The following CFDP1 variants were observed in gnomAD, a reference collection of about 807,000 sequenced individuals.
CFDP1 encodes the protein heterochromatin-stabilizing protein CFDP1.
Under a neutral mutation model 40.1 loss-of-function variants are expected in CFDP1, and 31 were observed. The ratio of observed to expected loss-of-function variants is 0.77; its 90% CI spans 0.58 to 1.04. The LOEUF (loss-of-function observed/expected upper bound fraction) is 1.04, where lower values mean the gene tolerates loss of function less well. Among genes scored for constraint, CFDP1 ranks in the 50% least tolerant of loss-of-function variants. The pLI, the probability that CFDP1 is intolerant of heterozygous loss-of-function variation, is 0.00. For missense variants in CFDP1, 423 were observed against 343.4 expected (o/e 1.23, Z -1.83); for synonymous variants, 167 against 120.0 (o/e 1.39, Z -2.56).
At chr16:75,314,550 A>G (rs1446119084) in intron 5 of CFDP1, among the ~76,000 whole-genome samples, 1 of 152,108 alleles carries the variant, frequency 6.6e-6, no homozygotes, top group Non-Finnish European at 1.5e-5. Flanking sequence ...GGAGTAATGA[A>G]TATGTCCTAA....
intron 6 of CFDP1, among the ~76,000 whole-genome samples, chr16:75,296,553 G>A (rs1322998128): frequency 6.6e-6 from 1 of 152,184 alleles, no homozygotes; most frequent in African/African-American, 2.4e-5. Flanking sequence ...CTGTAAATAA[G>A]AAGTGACACT....
rs528166199 is a variant in CFDP1, at chr16:75,297,395, G to C, written c.810-3353C>G. On this transcript the variant is annotated intron_variant, in intron 6 of 6. Transcript: ENST00000283882. ...CCAGGGCAACCGGAACAGAGACCAA[G>C]AGACTAAATGTCCCTGAAAGAGGAA... Among the ~76,000 whole-genome samples, 82 of 152,266 alleles carry C rather than the reference G, an allele frequency of 5.4e-4. 1 individual carries two copies. The highest frequency in any genetic ancestry group is 3.4e-3 in the Middle Eastern group (1 of 294).
In CFDP1 at chr16:75,392,303, G is replaced by A. The variant is rs146171142; in HGVS notation, c.650+2787C>T. Among the ~76,000 whole-genome samples, 5 of 152,074 alleles carry A rather than the reference G, an allele frequency of 3.3e-5. No individual in the cohort carries two copies. In the East Asian group the frequency reaches 9.8e-4, roughly 30 times the overall value. ...GCCTGTAATCCCAGCTACTCTGGAGGCTGACGCAGGAGAATGGCTTGAACC... is the reference window on the plus strand; with the variant it reads ...GCCTGTAATCCCAGCTACTCTGGAGACTGACGCAGGAGAATGGCTTGAACC... On this transcript the variant is annotated intron_variant, in intron 5 of 6. Transcript: ENST00000283882.
intron 5 of CFDP1, among the ~76,000 whole-genome samples, chr16:75,310,914 C>A (rs530624096): frequency 8.5e-5 from 13 of 152,322 alleles, no homozygotes; most frequent in South Asian, 2.1e-4. Flanking sequence ...CAGAGTCATT[C>A]ATTCATTGCA....
At chr16:75,315,709 G>A (rs2078319928) in intron 5 of CFDP1, among the ~76,000 whole-genome samples, 1 of 151,970 alleles carries the variant, frequency 6.6e-6, no homozygotes, top group East Asian at 1.9e-4. Flanking sequence ...TTACTTTTTT[G>A]TGGCCGTGTG....
intron 5 of CFDP1, among the ~76,000 whole-genome samples, chr16:75,390,864 CT>C (rs2078943263): frequency 6.6e-6 from 1 of 152,168 alleles, no homozygotes; most frequent in African/African-American, 2.4e-5. Context: ...GTAATAGAGT[CT>C]CATTATTACC....
chr16:75,334,851 A>T (rs191797325), intron 5 of CFDP1, among the ~76,000 whole-genome samples: 1 of 152,278 alleles, frequency 6.6e-6, no homozygotes, highest in African/African-American at 2.4e-5. Flanking sequence ...GCTACTTGGG[A>T]GGCTGAGGCA....
rs118151612 is a variant in CFDP1 at position 75,295,647 on chromosome 16, C to T, written c.810-1605G>A. On this transcript the variant is annotated intron_variant, in intron 6 of 6. Transcript: ENST00000283882. ...AGGTACTAAGCTGCTGTGTCAAAAC[C>T]GTCAATGAGGCCAGAATGGCTGGAA... Among the ~76,000 whole-genome samples the T allele has an allele frequency of 6.6e-3, 1,011 of 152,278 alleles. 9 individuals are homozygous for T. Among genetic ancestry groups the T allele is most frequent in the Middle Eastern group, 0.017 (5 of 294 alleles).
chr16:75,355,426 T>C (rs534073545), intron 5 of CFDP1, among the ~76,000 whole-genome samples: 62 of 152,352 alleles, frequency 4.1e-4, no homozygotes, highest in African/African-American at 1.5e-3. Context: ...TCTAAATCCT[T>C]TGCTGTCATT....
chr16:75,327,354 G>A (rs561695579), intron 5 of CFDP1, among the ~76,000 whole-genome samples: 1 of 152,222 alleles, frequency 6.6e-6, no homozygotes, highest in Non-Finnish European at 1.5e-5. Flanking sequence ...GGAAGAAAAG[G>A]CAGTCCCAGA....
At chr16:75,330,257 G>C (rs1424460537) in intron 5 of CFDP1, among the ~76,000 whole-genome samples, 1 of 152,150 alleles carries the variant, frequency 6.6e-6, no homozygotes, top group African/African-American at 2.4e-5. Flanking sequence ...AGGTCAGCTG[G>C]ACCTAGTCAT....
intron 5 of CFDP1, among the ~76,000 whole-genome samples, chr16:75,360,209 A>C (rs1234084583): frequency 6.6e-6 from 1 of 152,112 alleles, no homozygotes; most frequent in Non-Finnish European, 1.5e-5. Flanking sequence ...TTTGGTTTCT[A>C]ATATTACTTT....
intron 5 of CFDP1, among the ~76,000 whole-genome samples, chr16:75,308,951 T>A (rs2078275933): frequency 6.6e-6 from 1 of 152,204 alleles, no homozygotes; most frequent in Admixed American, 6.5e-5. Context: ...TATTATGCTT[T>A]TGGGGAAGGC....
At chr16:75,400,756 G>A (rs868570806) in intron 4 of CFDP1, among the ~76,000 whole-genome samples, 28 of 152,328 alleles carry the variant, frequency 1.8e-4, no homozygotes, top group African/African-American at 6.5e-4. Flanking sequence ...TGAGTTACAA[G>A]ATGGAGTGCT....
intron 5 of CFDP1, among the ~76,000 whole-genome samples, chr16:75,360,644 T>C (rs780750395): frequency 1.3e-5 from 2 of 152,338 alleles, no homozygotes; most frequent in South Asian, 2.1e-4. Context: ...GTAGAAATTG[T>C]TGAAAATCAA....
chr16:75,303,400 A>AATGT (rs71380717), intron 6 of CFDP1, among the ~76,000 whole-genome samples: 309 of 146,228 alleles, frequency 2.1e-3, no homozygotes, highest in African/African-American at 6.0e-3. Flanking sequence ...TAAATAAATA[A>AATGT]ATGTATGTAT....
chr16:75,366,602 T>G (rs1313543267), intron 5 of CFDP1, among the ~76,000 whole-genome samples: 1 of 151,000 alleles, frequency 6.6e-6, no homozygotes, highest in African/African-American at 2.4e-5. Context: ...TAACCTGGAG[T>G]GGATAGAGTG....
At chr16:75,349,433 C>T (rs2078592489) in intron 5 of CFDP1, among the ~76,000 whole-genome samples, 1 of 150,632 alleles carries the variant, frequency 6.6e-6, no homozygotes, top group South Asian at 2.1e-4. Context: ...TCACTTGAAC[C>T]CGGGAGTGGA....
chr16:75,422,883 C>T (rs1359746314), intron 1 of CFDP1, among the ~76,000 whole-genome samples: 1 of 151,446 alleles, frequency 6.6e-6, no homozygotes, highest in Non-Finnish European at 1.5e-5. Flanking sequence ...TTTTCTCACA[C>T]CTGTAATGCC....
Sources: gnomAD v4.1 joint callset for allele counts (sites outside exome capture counted in the v4.1 genomes callset) on GRCh38, gnomAD v4.1.1 for gene constraint, MANE v1.5 for transcripts, NCBI Gene and HGNC (gene_info 2026-07-23, HGNC 2026-07-21) for gene names.